Variants in EPB41L2 observed in about 807,000 individuals in gnomAD.
EPB41L2 encodes erythrocyte membrane protein band 4.1 like 2.
In EPB41L2, 43 loss-of-function variants were observed where a neutral mutation model predicts 113.0. The observed-to-expected ratio is 0.38, with a 90% CI of 0.30 to 0.49. The LOEUF (loss-of-function observed/expected upper bound fraction) is 0.49, where lower values mean the gene tolerates loss of function less well. EPB41L2 is among the 20% of genes least tolerant of loss of function. The probability of loss-of-function intolerance (pLI) is 0.95; values close to 1 mark genes in which losing one functional copy is unlikely to be tolerated. For missense variants in EPB41L2, 1,147 were observed against 1,223.4 expected (o/e 0.94, Z 0.93); for synonymous variants, 442 against 436.7 (o/e 1.01, Z -0.15).
intron 14 of EPB41L2, 23 bp from the exon 15 acceptor site, chr6:130,870,149 G>T: frequency 6.4e-7 from 1 of 1,573,728 alleles, no homozygotes; most frequent in Non-Finnish European, 8.6e-7. Flanking sequence ...AGATGGATGA[G>T]GGAAAACAAA....
chr6:130,841,111 A>G (rs1291766811), intron 19 of EPB41L2, among the ~76,000 whole-genome samples: 2 of 152,146 alleles, frequency 1.3e-5, no homozygotes, highest in African/African-American at 4.8e-5. Context: ...GACGGTGAAG[A>G]AAGGGACATT....
intron 3 of EPB41L2, among the ~76,000 whole-genome samples, chr6:130,939,182 C>G (rs1193325223): frequency 6.6e-6 from 1 of 152,058 alleles, no homozygotes; most frequent in African/African-American, 2.4e-5. Context: ...AGCCACAAAA[C>G]TATATATAAT....
intron 5 of EPB41L2, among the ~76,000 whole-genome samples, chr6:130,907,553 C>T (rs1429814264): frequency 6.6e-6 from 1 of 151,888 alleles, no homozygotes; most frequent in Admixed American, 6.6e-5. Context: ...GCCCCTCAGT[C>T]CTGGGCAAAT....
At chr6:130,948,223 T>A (rs1299384433) in intron 3 of EPB41L2, among the ~76,000 whole-genome samples, 1 of 152,214 alleles carries the variant, frequency 6.6e-6, no homozygotes, top group African/African-American at 2.4e-5. Context: ...TAAATCTTGG[T>A]GAATTAGAAG....
At chr6:130,961,544 C>T (rs1562600401) in intron 1 of EPB41L2, among the ~76,000 whole-genome samples, 1 of 152,156 alleles carries the variant, frequency 6.6e-6, no homozygotes, top group Non-Finnish European at 1.5e-5. Context: ...AAAACATTGG[C>T]CCTTAATCAG....
intron 1 of EPB41L2, among the ~76,000 whole-genome samples, chr6:131,062,878 G>A (rs956728053): frequency 4.0e-4 from 61 of 151,986 alleles, no homozygotes; most frequent in African/African-American, 1.4e-3. Flanking sequence ...CAGCGAAGCC[G>A]GGATCCGGCC....
At chr6:131,035,402 G>T (rs1793093287) in intron 1 of EPB41L2, among the ~76,000 whole-genome samples, 1 of 152,090 alleles carries the variant, frequency 6.6e-6, no homozygotes, top group Admixed American at 6.6e-5. Flanking sequence ...CCTAGATCTA[G>T]AGCCTAAATG....
chr6:130,954,040 C>CTTTCTT lies in EPB41L2; in HGVS notation c.705+1064_705+1065insAAGAAA, dbSNP rs1816373036. On this transcript the variant is annotated intron_variant, in intron 3 of 19. Coordinates refer to ENST00000337057, the MANE Select transcript of EPB41L2 (RefSeq NM_001431.4). ...TCCTCTTTTGCTAGTCCTTTTCTTT[C>CTTTCTT]TTTTTTTTTTTTTTTTTTTTTTTTT... Among the ~76,000 whole-genome samples the CTTTCTT allele has an allele frequency of 2.9e-4, 17 of 58,866 alleles. 1 individual carries two copies. The highest frequency in any genetic ancestry group is 8.5e-4 in the Admixed American group (3 of 3,548). The allele number at this position is 58,866 out of a possible 152,430, so 38.6% of individuals were successfully genotyped here.
intron 8 of EPB41L2, among the ~76,000 whole-genome samples, chr6:130,895,364 T>A (rs1386060871): frequency 6.6e-6 from 1 of 152,126 alleles, no homozygotes; most frequent in South Asian, 2.1e-4. Flanking sequence ...TAAGACACAG[T>A]GTCCTTCAAA....
chr6:131,006,680 A>C (rs1230156707), intron 1 of EPB41L2, among the ~76,000 whole-genome samples: 1 of 151,916 alleles, frequency 6.6e-6, no homozygotes, highest in East Asian at 1.9e-4. Flanking sequence ...AAAAAAAAAA[A>C]AGATTCATTA....
intron 4 of EPB41L2, among the ~76,000 whole-genome samples, chr6:130,910,532 C>G (rs1209861162): frequency 6.6e-6 from 1 of 152,200 alleles, no homozygotes; most frequent in African/African-American, 2.4e-5. Flanking sequence ...CAAATGAGAT[C>G]TAATTAAACT....
At chr6:131,030,140 C>T (rs1014421626) in intron 1 of EPB41L2, among the ~76,000 whole-genome samples, 1 of 152,198 alleles carries the variant, frequency 6.6e-6, no homozygotes, top group Non-Finnish European at 1.5e-5. Context: ...CCAAGTGACT[C>T]GCTCAAGAAT....
intron 1 of EPB41L2, among the ~76,000 whole-genome samples, chr6:130,981,858 T>C (rs879766688): frequency 1.2e-4 from 18 of 152,300 alleles, no homozygotes; most frequent in East Asian, 1.9e-4. Flanking sequence ...GTTTTCATTA[T>C]GCAAAATCCC....
intron 1 of EPB41L2, among the ~76,000 whole-genome samples, chr6:131,055,298 G>A (rs896846283): frequency 6.6e-6 from 1 of 152,130 alleles, no homozygotes; most frequent in Admixed American, 6.5e-5. Context: ...GAAACTAAAG[G>A]TCGGGGGAGA....
chr6:131,051,748 G>A (rs1796604457), intron 1 of EPB41L2, among the ~76,000 whole-genome samples: 1 of 152,118 alleles, frequency 6.6e-6, no homozygotes, highest in African/African-American at 2.4e-5. Flanking sequence ...TTCAAAATTT[G>A]AAGGGAAGGT....
chr6:130,953,518 G>A (rs1235496580), intron 3 of EPB41L2, among the ~76,000 whole-genome samples: 1 of 152,056 alleles, frequency 6.6e-6, no homozygotes, highest in Non-Finnish European at 1.5e-5. Context: ...GGCCTATCAT[G>A]GGGTGCGCAG....
intron 1 of EPB41L2, among the ~76,000 whole-genome samples, chr6:131,038,448 G>A (rs1339699448): frequency 6.6e-6 from 1 of 152,010 alleles, no homozygotes; most frequent in Non-Finnish European, 1.5e-5. Context: ...TTATTTACTA[G>A]ATATAACAGT....
intron 1 of EPB41L2, among the ~76,000 whole-genome samples, chr6:131,056,151 G>C (rs1797541592): frequency 6.6e-6 from 1 of 152,200 alleles, no homozygotes; most frequent in Non-Finnish European, 1.5e-5. Context: ...TGGAAAATAT[G>C]TGTGCAGGTA....
intron 1 of EPB41L2, among the ~76,000 whole-genome samples, chr6:131,027,154 A>G (rs759704667): frequency 2.6e-5 from 4 of 152,258 alleles, no homozygotes; most frequent in Non-Finnish European, 4.4e-5. Flanking sequence ...AATGGAAATT[A>G]TTTGATAACT....
Sources: gnomAD v4.1 joint callset for allele counts (sites outside exome capture counted in the v4.1 genomes callset) on GRCh38, gnomAD v4.1.1 for gene constraint, MANE v1.5 for transcripts, NCBI Gene and HGNC (gene_info 2026-07-23, HGNC 2026-07-21) for gene names.